C9orf153: variants seen among roughly 807,000 people sequenced by gnomAD.
The protein encoded by C9orf153 is chromosome 9 open reading frame 153.
Under a neutral mutation model 9.0 loss-of-function variants are expected in C9orf153, and 10 were observed. The ratio of observed to expected loss-of-function variants is 1.11; its 90% CI spans 0.69 to 1.89. The LOEUF (loss-of-function observed/expected upper bound fraction) is 1.89. C9orf153 is among the 40% of genes most tolerant of loss of function. C9orf153 has a pLI of 0.00. For synonymous variants in C9orf153, 35 were observed against 37.3 expected (o/e 0.94, Z 0.23); for missense variants, 108 against 111.0 (o/e 0.97, Z 0.12).
At chr9:86,249,434 T>C (rs1420292488) in intron 1 of C9orf153, among the ~76,000 whole-genome samples, 1 of 152,012 alleles carries the variant, frequency 6.6e-6, no homozygotes, top group African/African-American at 2.4e-5. Context: ...TTCTTCTTCA[T>C]GTATATATAC....
chr9:86,248,335 T>C (rs529545325), intron 1 of C9orf153, among the ~76,000 whole-genome samples: 1 of 152,238 alleles, frequency 6.6e-6, no homozygotes, highest in African/African-American at 2.4e-5. Context: ...GGTTTCGTCA[T>C]GTTGGCCAGG....
At chr9:86,230,269 C>A (rs1824441317) in intron 1 of C9orf153, among the ~76,000 whole-genome samples, 1 of 152,206 alleles carries the variant, frequency 6.6e-6, no homozygotes. Context: ...ACTAGTGTAA[C>A]AAATCCTATA....
rs1172500992 is a variant in C9orf153 at position 86,227,706 on chromosome 9, A to G, written c.242+149T>C. 4 of 1,369,396 alleles carry G rather than the reference A, an allele frequency of 2.9e-6. No homozygotes were observed. In the African/African-American group the frequency reaches 4.4e-5, roughly 15 times the overall value. The allele number at this position is 1,369,396 out of a possible 1,614,324, so 84.8% of individuals were successfully genotyped here. On this transcript the variant is annotated intron_variant, in intron 3 of 3. Transcript: ENST00000339137. The stretch of plus-strand genomic sequence containing the variant: ...TGATCGGTGAGAATTTCATAAGGAA[A>G]AGTGTGCTTGGGAGGGGAGATCCCA...
intron 1 of C9orf153, among the ~76,000 whole-genome samples, chr9:86,235,202 A>T (rs1824554301): frequency 6.6e-6 from 1 of 152,220 alleles, no homozygotes; most frequent in Non-Finnish European, 1.5e-5. Context: ...TGCTGGAATT[A>T]CCAGACTGTG....
At chr9:86,224,503 C>T (rs1824274444) in intron 3 of C9orf153, among the ~76,000 whole-genome samples, 1 of 152,018 alleles carries the variant, frequency 6.6e-6, no homozygotes, top group South Asian at 2.1e-4. Flanking sequence ...GATATGGTAT[C>T]TTACAAAATA....
chr9:86,245,864 T>C lies in C9orf153; in HGVS notation c.-27+13686A>G, dbSNP rs190857849. On this transcript the variant is annotated intron_variant, in intron 1 of 3. Coordinates refer to ENST00000339137, the MANE Select transcript of C9orf153 (RefSeq NM_001276366.4). ...AAAGTAAAAGCATGACTTTAAAAAA[T>C]GATTGTTTCCTGTGAGTGAGAGGAG... Among the ~76,000 whole-genome samples, 3 of 152,338 alleles carry C rather than the reference T, an allele frequency of 2.0e-5. No individual in the cohort carries two copies. In the East Asian group the frequency reaches 5.8e-4, roughly 29 times the overall value.
At chr9:86,231,790 C>G (rs1824476952) in intron 1 of C9orf153, among the ~76,000 whole-genome samples, 1 of 152,106 alleles carries the variant, frequency 6.6e-6, no homozygotes, top group Admixed American at 6.6e-5. Flanking sequence ...CTTGATTGTG[C>G]TTTCCTCCTG....
rs148890623 is a variant in C9orf153 at position 86,233,802 on chromosome 9, C to T, written c.-26-4173G>A. Among the ~76,000 whole-genome samples, 842 of 152,198 alleles carry T rather than the reference C, an allele frequency of 5.5e-3. 5 individuals carry two copies. Among genetic ancestry groups the T allele is most frequent in the African/African-American group, 0.019 (774 of 41,552 alleles). On this transcript the variant is annotated intron_variant, in intron 1 of 3. Transcript: ENST00000339137. ...TCTATCATTTAAAAATATCATATTT[C>T]GGCCGGGCGCGGTGACTGGCGCCTG...
rs1457856952 is a variant in C9orf153 at position 86,259,555 on chromosome 9, G to A, written c.-32C>T. The A allele has an allele frequency of 6.6e-6, 1 of 152,054 alleles. No homozygotes were observed. Among genetic ancestry groups the A allele is most frequent in the Admixed American group, 6.6e-5 (1 of 15,254 alleles). The allele number at this position is 152,054 out of a possible 1,614,324, so 9.4% of individuals were successfully genotyped here. On this transcript the variant is annotated 5_prime_UTR_variant, in exon 1 of 4. Transcript: ENST00000339137. Reference sequence around the variant, plus strand: ...ATGGCTGTAGATGCACTTACCACTTGTTTTACAGTTGTCTCTTCACGTGGT... The same window carrying A: ...ATGGCTGTAGATGCACTTACCACTTATTTTACAGTTGTCTCTTCACGTGGT...
chr9:86,238,366 A>G (rs1824650682), intron 1 of C9orf153, among the ~76,000 whole-genome samples: 1 of 152,226 alleles, frequency 6.6e-6, no homozygotes, highest in South Asian at 2.1e-4. Context: ...CACATGGGAC[A>G]TTCACCAGAC....
In C9orf153 at chr9:86,221,679, G is replaced by A. The variant is rs755182450; in HGVS notation, c.*9C>T. On this transcript the variant is annotated 3_prime_UTR_variant, in exon 4 of 4. Transcript: ENST00000339137. ...AATTGCAGTAGTGCGCCTCCACTTC[G>A]CAAGCCCCTTAAAATATCTCCATTC... 50 of 1,548,704 alleles carry A rather than the reference G, an allele frequency of 3.2e-5. No individual in the cohort carries two copies. The highest frequency in any genetic ancestry group is 5.5e-5 in the African/African-American group (4 of 72,836).
At chr9:86,252,344 CTTT>C (rs1356446430) in intron 1 of C9orf153, among the ~76,000 whole-genome samples, 1 of 152,086 alleles carries the variant, frequency 6.6e-6, no homozygotes, top group Admixed American at 6.6e-5. Context: ...CTTTATTTGG[CTTT>C]TGATTGTTTG....
chr9:86,253,915 C>T (rs1825049620), intron 1 of C9orf153, among the ~76,000 whole-genome samples: 1 of 151,954 alleles, frequency 6.6e-6, no homozygotes. Context: ...CATGATGAAA[C>T]CCTGTCTGTA....
chr9:86,252,567 A>T (rs1364431059), intron 1 of C9orf153, among the ~76,000 whole-genome samples: 1 of 152,172 alleles, frequency 6.6e-6, no homozygotes, highest in Non-Finnish European at 1.5e-5. Context: ...GAACTTTTTT[A>T]CTATTGGGGC....
At chr9:86,246,129 G>C (rs1824859186) in intron 1 of C9orf153, among the ~76,000 whole-genome samples, 1 of 152,186 alleles carries the variant, frequency 6.6e-6, no homozygotes, top group African/African-American at 2.4e-5. Context: ...CAAACATGAT[G>C]GGGTGATTTC....
At chr9:86,229,368 G>A (rs1824411996) in intron 2 of C9orf153, among the ~76,000 whole-genome samples, 170 bp downstream of exon 2, 1 of 152,032 alleles carries the variant, frequency 6.6e-6, no homozygotes, top group Non-Finnish European at 1.5e-5. Context: ...CACCTGCCCT[G>A]GGAAGAGCTA....
At chr9:86,222,545 C>A (rs950187495) in intron 3 of C9orf153, among the ~76,000 whole-genome samples, 2 of 152,116 alleles carry the variant, frequency 1.3e-5, no homozygotes, top group African/African-American at 2.4e-5. Context: ...TCAGAAACCA[C>A]AAGCTTGAGG....
intron 1 of C9orf153, among the ~76,000 whole-genome samples, chr9:86,233,511 G>A (rs1045279510): frequency 6.6e-6 from 1 of 152,024 alleles, no homozygotes; most frequent in African/African-American, 2.4e-5. Context: ...CCGTCTCCCG[G>A]GTTCAAGCAA....
chr9:86,229,619 T>C lies in C9orf153; in HGVS notation c.-16A>G, dbSNP rs1175704993. 7 of 1,596,748 alleles carry C rather than the reference T, an allele frequency of 4.4e-6. No individual in the cohort carries two copies. Among genetic ancestry groups the C allele is most frequent in the Non-Finnish European group, 6.0e-6 (7 of 1,167,166 alleles). ...TGAGGAACATCGTGCTGGGATTTTA[T>C]TCTCTAATTCCTAAAAAAAGCAATA... On this transcript the variant is annotated 5_prime_UTR_variant, in exon 2 of 4. Transcript: ENST00000339137.
Sources: allele counts gnomAD v4.1 joint callset (sites outside exome capture counted in the v4.1 genomes callset), GRCh38; gene constraint gnomAD v4.1.1; transcripts MANE v1.5; gene names NCBI Gene and HGNC (gene_info 2026-07-23, HGNC 2026-07-21).